LINGO2: variants seen among roughly 807,000 people sequenced by gnomAD.
The protein encoded by LINGO2 is leucine rich repeat and Ig domain containing 2, also known as leucine-rich repeat and immunoglobulin-like domain-containing nogo receptor-interacting protein 2.
In LINGO2, 14 loss-of-function variants were observed where a neutral mutation model predicts 30.6. That is an observed-to-expected ratio of 0.46 (90% CI 0.30 to 0.72). The LOEUF is 0.72. LINGO2 is among the 30% of genes least tolerant of loss of function. The probability of loss-of-function intolerance (pLI) is 0.07; values close to 1 mark genes in which losing one functional copy is unlikely to be tolerated. For missense variants in LINGO2, 729 were observed against 751.7 expected, an observed-to-expected ratio of 0.97 and a Z score of 0.35; for synonymous variants, 317 against 288.5, an observed-to-expected ratio of 1.10 and a Z score of -1.00.
intron 4 of LINGO2, among the ~76,000 whole-genome samples, chr9:28,086,671 C>A (rs1825925084): frequency 6.6e-6 from 1 of 150,722 alleles, no homozygotes; most frequent in Non-Finnish European, 1.5e-5. Flanking sequence ...GAAAAAAAAA[C>A]ATGTCCCAAA....
the LINGO2 span, among the ~76,000 whole-genome samples, chr9:28,895,723 T>G: frequency 6.6e-6 from 1 of 152,194 alleles, no homozygotes; most frequent in South Asian, 2.1e-4. Flanking sequence ...AACCTAAGTG[T>G]TACGGGGATG....
chr9:28,480,418 C>A (rs1244427203), intron 1 of LINGO2, among the ~76,000 whole-genome samples: 2 of 151,914 alleles, frequency 1.3e-5, no homozygotes, highest in Non-Finnish European at 2.9e-5. Context: ...TTTTCAAGAG[C>A]AGATGGGAAC....
At chr9:28,431,601 T>C (rs1564194872) in intron 2 of LINGO2, among the ~76,000 whole-genome samples, 1 of 152,156 alleles carries the variant, frequency 6.6e-6, no homozygotes, top group Non-Finnish European at 1.5e-5. Flanking sequence ...CAATAACTCA[T>C]GTATAAGTCT....
chr9:28,253,307 T>C (rs569485086), intron 4 of LINGO2, among the ~76,000 whole-genome samples: 1 of 152,250 alleles, frequency 6.6e-6, no homozygotes, highest in East Asian at 1.9e-4. Flanking sequence ...ATTGACCACT[T>C]AACTCTGCAG....
At chr9:28,749,777 C>G in the LINGO2 span, among the ~76,000 whole-genome samples, 2 of 152,018 alleles carry the variant, frequency 1.3e-5, no homozygotes, top group African/African-American at 4.8e-5. Flanking sequence ...GTAACAGACT[C>G]TAAGAATGAG....
the LINGO2 span, among the ~76,000 whole-genome samples, chr9:29,048,021 G>A: frequency 3.3e-5 from 5 of 152,042 alleles, no homozygotes; most frequent in Non-Finnish European, 5.9e-5. Flanking sequence ...TGAGGCATGA[G>A]AATCACTTGA....
chr9:28,524,109 T>C (rs2135408088), intron 1 of LINGO2, among the ~76,000 whole-genome samples: 1 of 152,258 alleles, frequency 6.6e-6, no homozygotes, highest in South Asian at 2.1e-4. Context: ...TGAGACTCAT[T>C]ATAAGTCCCA....
the LINGO2 span, among the ~76,000 whole-genome samples, chr9:28,848,045 GTATATATATATATATATGTATATAA>G: frequency 2.8e-4 from 5 of 17,824 alleles, no homozygotes; most frequent in East Asian, 7.9e-3. Flanking sequence ...ACTATATATA[GTATATATATATATATATGTATATAA>G]TATATATATA....
chr9:29,091,215 A>G, the LINGO2 span, among the ~76,000 whole-genome samples: 2 of 152,068 alleles, frequency 1.3e-5, no homozygotes, highest in African/African-American at 4.8e-5. Context: ...AGTAAAAGCA[A>G]CAAACGAATG....
chr9:28,579,833 G>A (rs551686448), intron 1 of LINGO2, among the ~76,000 whole-genome samples: 68 of 152,138 alleles, frequency 4.5e-4, no homozygotes, highest in Non-Finnish European at 7.4e-5. Context: ...ATGGTATAGC[G>A]GGAGAACAAC....
chr9:28,101,437 G>T (rs561234155), intron 4 of LINGO2, among the ~76,000 whole-genome samples: 2 of 152,244 alleles, frequency 1.3e-5, no homozygotes, highest in African/African-American at 4.8e-5. Flanking sequence ...TCACTTCAAG[G>T]CTATTGCTAG....
intron 4 of LINGO2, among the ~76,000 whole-genome samples, chr9:28,021,012 GTT>G (rs1309969260): frequency 6.6e-6 from 1 of 151,262 alleles, no homozygotes. Context: ...TCTTTTCTTT[GTT>G]TTCTTTCTTT....
intron 4 of LINGO2, among the ~76,000 whole-genome samples, chr9:28,104,258 T>TTTTG (rs1228732154): frequency 3.8e-5 from 5 of 132,082 alleles, no homozygotes; most frequent in Admixed American, 8.6e-5. Flanking sequence ...AGTACAAGTT[T>TTTTG]TTTGTTTGTT....
At chr9:28,367,971 C>T (rs2134548832) in intron 3 of LINGO2, among the ~76,000 whole-genome samples, 1 of 152,064 alleles carries the variant, frequency 6.6e-6, no homozygotes, top group African/African-American at 2.4e-5. Flanking sequence ...CAATATGCTT[C>T]AATTTCTTTC....
intron 4 of LINGO2, among the ~76,000 whole-genome samples, chr9:28,013,060 G>T (rs10120567): frequency 0.12 from 18,435 of 152,094 alleles, 1,235 homozygotes; most frequent in African/African-American, 0.18. Flanking sequence ...TGTTGAGAAC[G>T]AATGCTTTAC....
the LINGO2 span, among the ~76,000 whole-genome samples, chr9:28,704,192 G>GAGTAATTTCACT: frequency 2.9e-5 from 3 of 103,424 alleles, no homozygotes; most frequent in African/African-American, 1.3e-4. Flanking sequence ...CACTTTTGAA[G>GAGTAATTTCACT]GGTGAATTCT....
intron 4 of LINGO2, among the ~76,000 whole-genome samples, chr9:28,094,499 G>C (rs562204361): frequency 3.3e-4 from 50 of 150,928 alleles, no homozygotes; most frequent in African/African-American, 1.2e-3. Flanking sequence ...AAGCAATAGA[G>C]AGAGAAAGGG....
At chr9:27,969,118 A>C (rs916640967) in intron 5 of LINGO2, among the ~76,000 whole-genome samples, 1 of 138,658 alleles carries the variant, frequency 7.2e-6, no homozygotes, top group African/African-American at 3.4e-5. Context: ...TTCATGATTC[A>C]AAATGAAGTG....
At chr9:28,128,943 C>T (rs929199301) in intron 4 of LINGO2, among the ~76,000 whole-genome samples, 13 of 152,110 alleles carry the variant, frequency 8.5e-5, no homozygotes, top group African/African-American at 1.4e-4. Context: ...CTGCAAGTGC[C>T]GCTAGGAAAA....
Sources: gnomAD v4.1 joint callset for allele counts (sites outside exome capture counted in the v4.1 genomes callset) on GRCh38, gnomAD v4.1.1 for gene constraint, MANE v1.5 for transcripts, NCBI Gene and HGNC (gene_info 2026-07-23, HGNC 2026-07-21) for gene names.